The following GFRA1 variants were observed in gnomAD, a reference collection of about 807,000 sequenced individuals.
The protein encoded by GFRA1 is GDNF family receptor alpha 1.
In GFRA1, 16 loss-of-function variants were observed where a neutral mutation model predicts 51.6. That is an observed-to-expected ratio of 0.31 (90% CI 0.21 to 0.47). The LOEUF is 0.47. Ranked by LOEUF, GFRA1 falls within the 20% of genes least tolerant of loss-of-function variation. GFRA1 has a pLI of 1.00. For synonymous variants in GFRA1, 270 were observed against 241.3 expected (o/e 1.12, Z -1.10); for missense variants, 530 against 594.3 (o/e 0.89, Z 1.13).
At chr10:116,143,569 G>A (rs377210409) in intron 5 of GFRA1, among the ~76,000 whole-genome samples, 3 of 152,020 alleles carry the variant, frequency 2.0e-5, no homozygotes, top group Admixed American at 6.6e-5. Flanking sequence ...ATATCCATAC[G>A]TTGCAACTGC....
intron 6 of GFRA1, among the ~76,000 whole-genome samples, chr10:116,123,784 G>A (rs143487010): frequency 6.6e-6 from 1 of 152,154 alleles, no homozygotes; most frequent in Non-Finnish European, 1.5e-5. Context: ...CTAAGTTCTG[G>A]GAAGGACACA....
intron 5 of GFRA1, among the ~76,000 whole-genome samples, chr10:116,171,249 A>G (rs1250183943): frequency 1.3e-5 from 2 of 152,358 alleles, no homozygotes; most frequent in Non-Finnish European, 2.9e-5. Flanking sequence ...TTATGCATTT[A>G]TTTCCGACGT....
At chr10:116,077,712 G>T (rs1589767722) in intron 9 of GFRA1, among the ~76,000 whole-genome samples, 1 of 152,230 alleles carries the variant, frequency 6.6e-6, no homozygotes, top group African/African-American at 2.4e-5. Context: ...CAATCACAAA[G>T]AAATCATTTT....
chr10:116,262,426 A>G (rs143385001), intron 4 of GFRA1, among the ~76,000 whole-genome samples: 171 of 152,332 alleles, frequency 1.1e-3, no homozygotes, highest in African/African-American at 3.8e-3. Context: ...GGTCAGTGAG[A>G]CAGAAAGACA....
At chr10:116,070,553 C>T (rs1955334072) in intron 9 of GFRA1, among the ~76,000 whole-genome samples, 3 of 152,150 alleles carry the variant, frequency 2.0e-5, no homozygotes, top group Admixed American at 2.0e-4. Flanking sequence ...AACCTGCTTC[C>T]AAGTAAGCAT....
chr10:116,140,355 C>T (rs575343797), intron 5 of GFRA1, among the ~76,000 whole-genome samples: 1 of 152,216 alleles, frequency 6.6e-6, no homozygotes, highest in African/African-American at 2.4e-5. Flanking sequence ...TTACGAGCTA[C>T]TAGTTTAACA....
chr10:116,207,672 G>A (rs1589873444), intron 5 of GFRA1, among the ~76,000 whole-genome samples: 1 of 152,076 alleles, frequency 6.6e-6, no homozygotes, highest in African/African-American at 2.4e-5. Context: ...CGTATGTATT[G>A]CAGAAAAGTG....
At chr10:116,152,102 G>A (rs1196305336) in intron 5 of GFRA1, among the ~76,000 whole-genome samples, 1 of 152,166 alleles carries the variant, frequency 6.6e-6, no homozygotes, top group African/African-American at 2.4e-5. Flanking sequence ...AGGCTGATGG[G>A]GCAAGATTAG....
chr10:116,185,870 C>T (rs1260278351), intron 5 of GFRA1, among the ~76,000 whole-genome samples: 2 of 152,252 alleles, frequency 1.3e-5, no homozygotes, highest in Non-Finnish European at 2.9e-5. Context: ...TTGTGCTGCT[C>T]ACAATGTCCC....
chr10:116,188,922 G>T (rs1013368074), intron 5 of GFRA1, among the ~76,000 whole-genome samples: 19 of 147,630 alleles, frequency 1.3e-4, no homozygotes, highest in Non-Finnish European at 2.4e-4. Context: ...AAAGGTAAAT[G>T]TTATGTTATC....
At chr10:116,079,072 CA>C (rs1190266926) in intron 9 of GFRA1, among the ~76,000 whole-genome samples, 1 of 151,972 alleles carries the variant, frequency 6.6e-6, no homozygotes, top group African/African-American at 2.4e-5. Flanking sequence ...GGTAATCATC[CA>C]GCGCGCTGGA....
chr10:116,128,552 C>T (rs192154806), intron 5 of GFRA1, among the ~76,000 whole-genome samples: 17 of 151,926 alleles, frequency 1.1e-4, no homozygotes, highest in African/African-American at 3.9e-4. Flanking sequence ...AGTGAAACCC[C>T]GTCTCTACTA....
At chr10:116,209,882 A>G (rs192925399) in intron 5 of GFRA1, among the ~76,000 whole-genome samples, 10 of 152,216 alleles carry the variant, frequency 6.6e-5, no homozygotes, top group African/African-American at 2.2e-4. Flanking sequence ...AAATGGTCCA[A>G]TATGGCCAGA....
At chr10:116,065,493 T>G (rs1455475897) in intron 10 of GFRA1, 80 bp downstream of exon 10, 1 of 1,142,944 alleles carries the variant, frequency 8.7e-7, no homozygotes, top group East Asian at 2.4e-5. Flanking sequence ...CTTTGAATGC[T>G]TTATATGATA....
At chr10:116,138,858 G>A (rs1958444853) in intron 5 of GFRA1, among the ~76,000 whole-genome samples, 1 of 152,152 alleles carries the variant, frequency 6.6e-6, no homozygotes, top group Non-Finnish European at 1.5e-5. Flanking sequence ...TGCTCTTCAA[G>A]CCCTGGTATA....
At chr10:116,154,578 G>A (rs894267772) in intron 5 of GFRA1, among the ~76,000 whole-genome samples, 2 of 152,180 alleles carry the variant, frequency 1.3e-5, no homozygotes, top group Non-Finnish European at 2.9e-5. Context: ...AAGGAGTTAG[G>A]AGGGTGCTTC....
At chr10:116,223,486 C>T (rs138864172) in intron 4 of GFRA1, among the ~76,000 whole-genome samples, 236 of 152,300 alleles carry the variant, frequency 1.5e-3, no homozygotes, top group African/African-American at 5.5e-3. Flanking sequence ...GCTTAGATAG[C>T]CTATGTGGCT....
At chr10:116,197,850 G>A (rs771231299) in intron 5 of GFRA1, among the ~76,000 whole-genome samples, 9 of 152,162 alleles carry the variant, frequency 5.9e-5, no homozygotes, top group Non-Finnish European at 8.8e-5. Flanking sequence ...GGATTATTCC[G>A]GAGTGCTGAG....
At chr10:116,104,885 CT>C (rs1956950149) in intron 6 of GFRA1, among the ~76,000 whole-genome samples, 1 of 152,312 alleles carries the variant, frequency 6.6e-6, no homozygotes, top group Middle Eastern at 3.4e-3. Context: ...TGTCCCTGAA[CT>C]GCCCTTTTGC....
Sources: gnomAD v4.1 joint callset for allele counts (sites outside exome capture counted in the v4.1 genomes callset) on GRCh38, gnomAD v4.1.1 for gene constraint, MANE v1.5 for transcripts, NCBI Gene and HGNC (gene_info 2026-07-23, HGNC 2026-07-21) for gene names.